The following CDH18 variants were observed in gnomAD, a reference collection of about 807,000 sequenced individuals.
CDH18 encodes cadherin-18.
In CDH18, 31 loss-of-function variants were observed where a neutral mutation model predicts 67.9. The observed-to-expected ratio is 0.46, with a 90% CI of 0.34 to 0.62. The LOEUF (loss-of-function observed/expected upper bound fraction) is 0.62. Among genes scored for constraint, CDH18 ranks in the 20% least tolerant of loss-of-function variants. The pLI is 0.01. For synonymous variants in CDH18, 362 were observed against 347.2 expected (o/e 1.04, Z -0.48); for missense variants, 890 against 975.5 (o/e 0.91, Z 1.17).
rs1361009598 is a variant in CDH18, at chr5:20,058,219, T to C, written c.-517-66205A>G. 2.0e-5 allele frequency among the ~76,000 whole-genome samples: 3 copies of C among 152,138 alleles called. No homozygotes were observed. In the East Asian group the frequency reaches 5.8e-4, roughly 29 times the overall value. On this transcript the variant is annotated intron_variant, in intron 2 of 14. Transcript: ENST00000507958. The stretch of plus-strand genomic sequence containing the variant: ...TCTAGAATTGTATTAGAACTATCTT[T>C]AAGCACAAAAAAGGAAGAAACAAAT...
At chr5:20,024,211 C>A (rs564908117) in intron 2 of CDH18, among the ~76,000 whole-genome samples, 1 of 152,250 alleles carries the variant, frequency 6.6e-6, no homozygotes, top group African/African-American at 2.4e-5. Flanking sequence ...TTTAAGAAAA[C>A]ATTTCTTAAA....
At chr5:20,513,674 T>C (rs913319490) in intron 1 of CDH18, among the ~76,000 whole-genome samples, 1 of 152,204 alleles carries the variant, frequency 6.6e-6, no homozygotes, top group Non-Finnish European at 1.5e-5. Context: ...AACATTTTCT[T>C]ATAACTTTTT....
chr5:19,553,552 T>A (rs1183367565), intron 8 of CDH18, among the ~76,000 whole-genome samples: 2 of 149,356 alleles, frequency 1.3e-5, no homozygotes. Flanking sequence ...GTTTTGTAAG[T>A]TTTGTTGAGA....
At chr5:20,252,767 C>G (rs920965662) in intron 2 of CDH18, among the ~76,000 whole-genome samples, 7 of 151,952 alleles carry the variant, frequency 4.6e-5, no homozygotes, top group Non-Finnish European at 7.4e-5. Context: ...GAAACCCCGT[C>G]TCTACTAAAA....
At chr5:20,195,130 A>G (rs1327219235) in intron 2 of CDH18, among the ~76,000 whole-genome samples, 1 of 152,088 alleles carries the variant, frequency 6.6e-6, no homozygotes, top group Non-Finnish European at 1.5e-5. Context: ...TCTTATTCAA[A>G]AACAGTCAAT....
intron 2 of CDH18, among the ~76,000 whole-genome samples, chr5:20,217,128 C>T (rs1740844666): frequency 6.6e-6 from 1 of 151,680 alleles, no homozygotes; most frequent in South Asian, 2.1e-4. Context: ...GACTGTACTA[C>T]AGAAAATGCT....
Position 19,754,170 on chromosome 5 carries a change from A to G in CDH18, c.229-6934T>C, listed in dbSNP as rs142231737. 6.4e-3 allele frequency among the ~76,000 whole-genome samples: 967 copies of G among 152,268 alleles called. 10 individuals are homozygous for G. Among genetic ancestry groups the G allele is most frequent in the African/African-American group, 0.022 (935 of 41,556 alleles). On this transcript the variant is annotated intron_variant, in intron 3 of 12. Transcript: ENST00000382275. ...TGGTACCTCACATCTCAACATTAACATTGAATGTAAATTGCCTAAATGCTC... is the reference window on the plus strand; with the variant it reads ...TGGTACCTCACATCTCAACATTAACGTTGAATGTAAATTGCCTAAATGCTC...
intron 3 of CDH18, among the ~76,000 whole-genome samples, chr5:19,753,221 T>C (rs1042766576): frequency 6.6e-6 from 1 of 152,100 alleles, no homozygotes; most frequent in African/African-American, 2.4e-5. Context: ...GGTTAGTTAT[T>C]AATCTAATCA....
intron 2 of CDH18, among the ~76,000 whole-genome samples, chr5:19,863,948 A>G (rs1310709157): frequency 6.6e-6 from 1 of 152,048 alleles, no homozygotes; most frequent in Non-Finnish European, 1.5e-5. Flanking sequence ...AACTAGTTCA[A>G]CCATTGTGGA....
intron 2 of CDH18, among the ~76,000 whole-genome samples, chr5:20,225,299 C>G (rs1741529341): frequency 6.6e-6 from 1 of 152,088 alleles, no homozygotes; most frequent in Non-Finnish European, 1.5e-5. Context: ...ATTGACTTTG[C>G]ACTTTTTGTC....
intron 4 of CDH18, among the ~76,000 whole-genome samples, chr5:19,730,559 T>C (rs1767454355): frequency 6.6e-6 from 1 of 152,218 alleles, no homozygotes; most frequent in African/African-American, 2.4e-5. Flanking sequence ...TTAAATTTCA[T>C]ATGCATCTTA....
chr5:20,299,772 A>AAT (rs1747819895), intron 1 of CDH18, among the ~76,000 whole-genome samples: 1 of 151,402 alleles, frequency 6.6e-6, no homozygotes, highest in South Asian at 2.1e-4. Flanking sequence ...AAAAAAAAAA[A>AAT]AAAGAATATT....
intron 4 of CDH18, among the ~76,000 whole-genome samples, chr5:19,737,677 G>A (rs945241940): frequency 2.0e-5 from 3 of 152,106 alleles, no homozygotes; most frequent in African/African-American, 7.2e-5. Context: ...AAGTGAGGGG[G>A]ATTATCACAT....
chr5:19,889,562 T>C (rs544818266), intron 2 of CDH18, among the ~76,000 whole-genome samples: 4 of 152,202 alleles, frequency 2.6e-5, no homozygotes, highest in Admixed American at 6.5e-5. Context: ...TACTGTCCTA[T>C]TCTGCAGAAG....
At chr5:20,074,568 T>C (rs1394635319) in intron 2 of CDH18, among the ~76,000 whole-genome samples, 1 of 152,170 alleles carries the variant, frequency 6.6e-6, no homozygotes, top group East Asian at 1.9e-4. Context: ...CAGAGAGACC[T>C]GCAGAATAAG....
intron 2 of CDH18, among the ~76,000 whole-genome samples, chr5:20,095,177 A>T (rs536610957): frequency 7.2e-4 from 110 of 151,840 alleles, no homozygotes; most frequent in Non-Finnish European, 1.2e-3. Context: ...CAAGGGAGGG[A>T]TAACATTAGG....
chr5:20,508,323 TTATATATATATATA>T (rs55885279), intron 1 of CDH18, among the ~76,000 whole-genome samples: 3,524 of 111,146 alleles, frequency 0.032, 171 homozygotes, highest in African/African-American at 0.1. Context: ...ATGACTATGA[TTATATATATATATA>T]TATATATATA....
At chr5:20,446,168 T>A (rs1223682708) in intron 1 of CDH18, among the ~76,000 whole-genome samples, 1 of 152,106 alleles carries the variant, frequency 6.6e-6, no homozygotes, top group African/African-American at 2.4e-5. Flanking sequence ...AGATACAGTT[T>A]TAGGTTACCG....
chr5:20,350,544 G>T (rs1340029036), intron 1 of CDH18, among the ~76,000 whole-genome samples: 2 of 152,022 alleles, frequency 1.3e-5, no homozygotes, highest in South Asian at 2.1e-4. Context: ...TCCCCAGCTT[G>T]CCAATATATA....
Sources: gnomAD v4.1 joint callset for allele counts (sites outside exome capture counted in the v4.1 genomes callset) on GRCh38, gnomAD v4.1.1 for gene constraint, MANE v1.5 for transcripts, NCBI Gene and HGNC (gene_info 2026-07-23, HGNC 2026-07-21) for gene names.